IGF2BP3: variants seen among roughly 807,000 people sequenced by gnomAD.
The protein encoded by IGF2BP3 is insulin like growth factor 2 mRNA binding protein 3.
Under a neutral mutation model 73.8 loss-of-function variants are expected in IGF2BP3, and 9 were observed. That is an observed-to-expected ratio of 0.12 (90% CI 0.07 to 0.21). The LOEUF (loss-of-function observed/expected upper bound fraction) is 0.21. Ranked by LOEUF, IGF2BP3 falls within the 10% of genes least tolerant of loss-of-function variation. IGF2BP3 has a pLI of 1.00. For missense variants in IGF2BP3, 542 were observed against 714.0 expected, an observed-to-expected ratio of 0.76 and a Z score of 2.75; for synonymous variants, 258 against 256.7, an observed-to-expected ratio of 1.01 and a Z score of -0.05.
chr7:23,381,078 G>C lies in IGF2BP3; in HGVS notation c.286-19337C>G, dbSNP rs554379482. 9.3e-4 allele frequency among the ~76,000 whole-genome samples: 141 copies of C among 152,250 alleles called. No individual in the cohort carries two copies. In the South Asian group the frequency reaches 0.016, roughly 18 times the overall value. ...AGACTCAACTTCACAGCTGTATCTA[G>C]AACAGGCCCTAGCACAGAGCTATAG... is the stretch of plus-strand genomic sequence containing the variant. On this transcript the variant is annotated intron_variant, in intron 3 of 14. Transcript: ENST00000258729.
chr7:23,411,783 C>T (rs1367082301), intron 3 of IGF2BP3, among the ~76,000 whole-genome samples: 1 of 152,024 alleles, frequency 6.6e-6, no homozygotes, highest in Non-Finnish European at 1.5e-5. Flanking sequence ...TACTCTCTTC[C>T]CCAGGAAGTC....
chr7:23,371,571 T>C (rs760321235), intron 3 of IGF2BP3, among the ~76,000 whole-genome samples: 10 of 152,214 alleles, frequency 6.6e-5, no homozygotes, highest in Non-Finnish European at 1.5e-4. Flanking sequence ...CGTAATTACT[T>C]GGATAACACT....
chr7:23,371,296 C>A (rs184012539), intron 3 of IGF2BP3, among the ~76,000 whole-genome samples: 1 of 151,982 alleles, frequency 6.6e-6, no homozygotes, highest in Non-Finnish European at 1.5e-5. Context: ...TCACCCTTAG[C>A]GCTAGGGATA....
At chr7:23,458,693 G>A (rs895531287) in intron 2 of IGF2BP3, among the ~76,000 whole-genome samples, 1 of 152,068 alleles carries the variant, frequency 6.6e-6, no homozygotes, top group Admixed American at 6.5e-5. Flanking sequence ...AACAAAAAAA[G>A]TCTCATTTTT....
At chr7:23,395,156 A>G (rs138105391) in intron 3 of IGF2BP3, among the ~76,000 whole-genome samples, 2,334 of 152,312 alleles carry the variant, frequency 0.015, 66 homozygotes, top group African/African-American at 0.052. Flanking sequence ...TTTCAACACT[A>G]AAGTCTGAGG....
In IGF2BP3 at chr7:23,388,184, G is replaced by A. The variant is rs573100265; in HGVS notation, c.286-26443C>T. ...AATCTCCTGACCTCAAGATCCACCT[G>A]CCTCAGCCTCCCAACGTGCTGGGAT... is the stretch of plus-strand genomic sequence containing the variant. On this transcript the variant is annotated intron_variant, in intron 3 of 14. Transcript: ENST00000258729. Among the ~76,000 whole-genome samples, 175 of 152,214 alleles carry A rather than the reference G, an allele frequency of 1.1e-3. 1 individual carries two copies. Among genetic ancestry groups the A allele is most frequent in the Middle Eastern group, 3.4e-3 (1 of 294 alleles).
chr7:23,398,072 C>A lies in IGF2BP3; in HGVS notation c.285+20704G>T, dbSNP rs1210222671. 2.2e-5 allele frequency among the ~76,000 whole-genome samples: 3 copies of A among 137,050 alleles called. No individual in the cohort carries two copies. In the Admixed American group the frequency reaches 2.2e-4, roughly 10 times the overall value. 89.9% of individuals were successfully genotyped at this position (137,050 alleles called of 152,430 possible). On this transcript the variant is annotated intron_variant, in intron 3 of 14. Coordinates refer to ENST00000258729, the MANE Select transcript of IGF2BP3 (RefSeq NM_006547.3). Reference sequence around the variant, plus strand: ...AATGCTATCCCTCCCCCCGCCCCACCCCACAACAGTCCCCAGAGTGTGATG... The same window carrying A: ...AATGCTATCCCTCCCCCCGCCCCACACCACAACAGTCCCCAGAGTGTGATG...
chr7:23,393,953 T>C (rs149764396), intron 3 of IGF2BP3, among the ~76,000 whole-genome samples: 2 of 152,120 alleles, frequency 1.3e-5, no homozygotes, highest in East Asian at 1.9e-4. Context: ...GTCGAGTTAT[T>C]AGGAGGGTAC....
intron 3 of IGF2BP3, among the ~76,000 whole-genome samples, chr7:23,370,363 C>T (rs895543920): frequency 6.6e-5 from 10 of 152,274 alleles, no homozygotes; most frequent in African/African-American, 2.2e-4. Context: ...ATCATACATA[C>T]GATCTTAGAT....
chr7:23,418,242 C>T (rs1383567197), intron 3 of IGF2BP3, among the ~76,000 whole-genome samples: 1 of 152,166 alleles, frequency 6.6e-6, no homozygotes, highest in East Asian at 1.9e-4. Context: ...ATCCCTTCAA[C>T]TACTGGTGTC....
intron 10 of IGF2BP3, among the ~76,000 whole-genome samples, chr7:23,325,106 C>T (rs1269260101): frequency 6.6e-6 from 1 of 151,958 alleles, no homozygotes; most frequent in East Asian, 1.9e-4. Context: ...AAAGGGTATT[C>T]AATTAGGAAA....
chr7:23,439,862 A>G (rs1787891805), intron 2 of IGF2BP3, among the ~76,000 whole-genome samples: 1 of 152,220 alleles, frequency 6.6e-6, no homozygotes, highest in Admixed American at 6.5e-5. Context: ...CTCACACTCA[A>G]CAGTACCTAG....
intron 2 of IGF2BP3, among the ~76,000 whole-genome samples, chr7:23,447,777 G>A (rs1046562518): frequency 2.0e-5 from 3 of 151,930 alleles, no homozygotes; most frequent in Non-Finnish European, 4.4e-5. Flanking sequence ...TCAGGAGTTC[G>A]AGACCAGCCT....
At chr7:23,363,694 T>G (rs952940444) in intron 3 of IGF2BP3, among the ~76,000 whole-genome samples, 7 of 152,234 alleles carry the variant, frequency 4.6e-5, no homozygotes, top group African/African-American at 1.7e-4. Context: ...ACATTAATCT[T>G]TGTCTCTGAT....
intron 2 of IGF2BP3, among the ~76,000 whole-genome samples, chr7:23,421,293 A>AG (rs1787337739): frequency 6.6e-6 from 1 of 152,192 alleles, no homozygotes. Flanking sequence ...TACAGGCATG[A>AG]GCCACTGTGC....
At chr7:23,313,029 A>C (rs1015362104) in intron 13 of IGF2BP3, among the ~76,000 whole-genome samples, 181 bp from the exon 14 acceptor site, 1 of 152,254 alleles carries the variant, frequency 6.6e-6, no homozygotes, top group East Asian at 1.9e-4. Flanking sequence ...CATCCAAAGA[A>C]ACTGATTTGT....
intron 2 of IGF2BP3, among the ~76,000 whole-genome samples, chr7:23,463,272 A>C (rs1788491837): frequency 6.6e-6 from 1 of 152,244 alleles, no homozygotes; most frequent in Admixed American, 6.5e-5. Flanking sequence ...AAATACATGA[A>C]GGTAGTTTGA....
intron 3 of IGF2BP3, among the ~76,000 whole-genome samples, chr7:23,395,910 A>T (rs1786442590): frequency 6.6e-6 from 1 of 152,120 alleles, no homozygotes; most frequent in Admixed American, 6.5e-5. Flanking sequence ...TGGGCAACAG[A>T]GCGAGACTCC....
chr7:23,380,294 C>T (rs536385543), intron 3 of IGF2BP3, among the ~76,000 whole-genome samples: 2 of 151,118 alleles, frequency 1.3e-5, no homozygotes, highest in East Asian at 2.0e-4. Context: ...CTCCCGAGTA[C>T]TAGGACTACA....
Sources: gnomAD v4.1 joint callset for allele counts (sites outside exome capture counted in the v4.1 genomes callset) on GRCh38, gnomAD v4.1.1 for gene constraint, MANE v1.5 for transcripts, NCBI Gene and HGNC (gene_info 2026-07-23, HGNC 2026-07-21) for gene names.